The following OTUD3 variants were observed in gnomAD, a reference collection of about 807,000 sequenced individuals.
OTUD3 encodes the protein OTU domain-containing protein 3.
Under a neutral mutation model 46.2 loss-of-function variants are expected in OTUD3, and 24 were observed. That is an observed-to-expected ratio of 0.52 (90% CI 0.38 to 0.73). The LOEUF (loss-of-function observed/expected upper bound fraction) is 0.73. Among genes scored for constraint, OTUD3 ranks in the 30% least tolerant of loss-of-function variants. OTUD3 has a pLI of 0.00. For synonymous variants in OTUD3, 189 were observed against 195.4 expected, an observed-to-expected ratio of 0.97 and a Z score of 0.27; for missense variants, 455 against 523.3, an observed-to-expected ratio of 0.87 and a Z score of 1.27.
intron 1 of OTUD3, among the ~76,000 whole-genome samples, chr1:19,890,184 T>C (rs2045427174): frequency 6.6e-6 from 1 of 152,220 alleles, no homozygotes; most frequent in Non-Finnish European, 1.5e-5. Context: ...CCTTGTTTGC[T>C]GCCTCTCAAG....
chr1:19,886,927 G>A (rs760663690), intron 1 of OTUD3, among the ~76,000 whole-genome samples: 2 of 152,162 alleles, frequency 1.3e-5, no homozygotes, highest in Non-Finnish European at 2.9e-5. Flanking sequence ...TGTGAACCAC[G>A]TATGTGATTT....
rs1299522679 is a variant in OTUD3 at position 19,907,425 on chromosome 1, C to T, written c.1021-145C>T. 4.7e-6 allele frequency: 3 copies of T among 637,346 alleles called. No individual in the cohort carries two copies. In the African/African-American group the frequency reaches 5.5e-5, roughly 12 times the overall value. 39.5% of individuals were successfully genotyped at this position (637,346 alleles called of 1,614,324 possible). A position where few individuals can be genotyped will look rare whatever the true frequency, so the allele number is the denominator to read the frequency against. On this transcript the variant is annotated intron_variant, in intron 7 of 7. Coordinates refer to ENST00000375120, the MANE Select transcript of OTUD3 (RefSeq NM_015207.2). ...AAATGCAAATTTGAGCAGCAGTGGA[C>T]AGTAAATCATCTTTGGCGTCTTAGA... is the stretch of plus-strand genomic sequence containing the variant.
chr1:19,904,518 G>A (rs2045632392), intron 5 of OTUD3, 120 bp downstream of exon 5: 5 of 840,722 alleles, frequency 5.9e-6, no homozygotes, highest in South Asian at 3.4e-5. Flanking sequence ...ATAGGCCCAT[G>A]AGATTTGTAG....
intron 1 of OTUD3, among the ~76,000 whole-genome samples, chr1:19,887,413 G>A (rs1297623216): frequency 2.6e-5 from 4 of 152,196 alleles, no homozygotes; most frequent in South Asian, 2.1e-4. Flanking sequence ...TTATATGACC[G>A]CTTCAGAATC....
intron 4 of OTUD3, among the ~76,000 whole-genome samples, chr1:19,900,307 G>T (rs113668162): frequency 1.0e-3 from 157 of 152,020 alleles, no homozygotes; most frequent in African/African-American, 3.6e-3. Context: ...AGGCTCAAGC[G>T]ATCCTCCTGA....
rs2045692390 is a variant in OTUD3 at position 19,908,463 on chromosome 1, G to C, written c.*717G>C. On this transcript the variant is annotated 3_prime_UTR_variant, in exon 8 of 8. Coordinates refer to ENST00000375120, the MANE Select transcript of OTUD3 (RefSeq NM_015207.2). ...TAATTAGGCCTGGCCTTGTTGGGAA[G>C]TTGATAGTGGTGTTGGGTTTTTGGT... 6.6e-6 allele frequency: 1 copy of C among 152,368 alleles called. No homozygotes were observed. Among genetic ancestry groups the C allele is most frequent in the Non-Finnish European group, 1.5e-5 (1 of 68,044 alleles). 9.4% of individuals were successfully genotyped at this position (152,368 alleles called of 1,614,324 possible).
At chr1:19,905,396 A>AT (rs200488222) in intron 6 of OTUD3, among the ~76,000 whole-genome samples, 16,829 of 148,286 alleles carry the variant, frequency 0.11, 1,031 homozygotes, top group Admixed American at 0.15. Flanking sequence ...GATAATTTTG[A>AT]TTTTTTTTTT....
intron 3 of OTUD3, among the ~76,000 whole-genome samples, chr1:19,895,330 G>A (rs901513924): frequency 6.6e-6 from 1 of 152,164 alleles, no homozygotes; most frequent in South Asian, 2.1e-4. Flanking sequence ...CAAGTATACA[G>A]TTCTATGTGT....
At chr1:19,897,696 C>T (rs376625432) in intron 4 of OTUD3, 34 bp downstream of exon 4, 28 of 1,604,166 alleles carry the variant, frequency 1.7e-5, no homozygotes, top group Middle Eastern at 1.7e-4. Context: ...CCGTATTCCC[C>T]GCCCTACAGG....
Position 19,912,568 on chromosome 1 carries a change from TTC to T in OTUD3, c.*4828_*4829del, listed in dbSNP as rs377635988. On this transcript the variant is annotated 3_prime_UTR_variant, in exon 8 of 8. Transcript: ENST00000375120. ...TGGATGTATCCGTGGAGGAGGGGCC[TTC>T]TCTCTTTCTAATTGCACTATACTTG... 6.2e-4 allele frequency: 95 copies of T among 152,664 alleles called. No individual in the cohort carries two copies. Among genetic ancestry groups the T allele is most frequent in the African/African-American group, 2.2e-3 (91 of 41,576 alleles). The allele number at this position is 152,664 out of a possible 1,614,324, so 9.5% of individuals were successfully genotyped here.
intron 4 of OTUD3, among the ~76,000 whole-genome samples, chr1:19,903,468 G>C (rs2045619453): frequency 6.6e-6 from 1 of 152,110 alleles, no homozygotes; most frequent in South Asian, 2.1e-4. Flanking sequence ...TTTTATAATA[G>C]AATGTTTTGT....
chr1:19,894,763 G>A (rs760948977), intron 3 of OTUD3, among the ~76,000 whole-genome samples: 3 of 152,206 alleles, frequency 2.0e-5, no homozygotes, highest in Non-Finnish European at 4.4e-5. Flanking sequence ...TGGAAACACA[G>A]GCTGTCACCC....
rs2045732706 is a variant in OTUD3 at position 19,911,437 on chromosome 1, T to G, written c.*3691T>G. 6.7e-6 allele frequency: 1 copy of G among 148,520 alleles called. No individual in the cohort carries two copies. Among genetic ancestry groups the G allele is most frequent in the African/African-American group, 2.5e-5 (1 of 39,758 alleles). The allele number at this position is 148,520 out of a possible 1,614,324, so 9.2% of individuals were successfully genotyped here. ...CAGAGTCTTGCTTTGTTGCCCAGGCTGGAGTGTGGTGGGGCAATCTCGGCT... is the reference window on the plus strand; with the variant it reads ...CAGAGTCTTGCTTTGTTGCCCAGGCGGGAGTGTGGTGGGGCAATCTCGGCT... On this transcript the variant is annotated 3_prime_UTR_variant, in exon 8 of 8. Transcript: ENST00000375120.
At chr1:19,889,026 T>G (rs2045410345) in intron 1 of OTUD3, among the ~76,000 whole-genome samples, 1 of 152,236 alleles carries the variant, frequency 6.6e-6, no homozygotes, top group South Asian at 2.1e-4. Flanking sequence ...TCACATCTCT[T>G]AAACTAAATT....
chr1:19,894,598 C>T (rs761893022), intron 3 of OTUD3, 118 bp downstream of exon 3: 39 of 594,852 alleles, frequency 6.6e-5, no homozygotes, highest in African/African-American at 1.1e-4. Flanking sequence ...ACTTGGTCTA[C>T]GAGCCTAACC....
chr1:19,904,145 T>G (rs189979426), intron 4 of OTUD3, 122 bp from the exon 5 acceptor site: 3 of 622,496 alleles, frequency 4.8e-6, no homozygotes, highest in African/African-American at 3.7e-5. Context: ...CTCTTAAGGT[T>G]GTTTCTAGAA....
rs2045723441 is a variant in OTUD3 at position 19,910,702 on chromosome 1, G to T, written c.*2956G>T. ...CAGTTTGATTCTGAGGGCTTGGGAAGTGGGATCTCCCTTGTGGAGCAGCTG... is the reference window on the plus strand; with the variant it reads ...CAGTTTGATTCTGAGGGCTTGGGAATTGGGATCTCCCTTGTGGAGCAGCTG... On this transcript the variant is annotated 3_prime_UTR_variant, in exon 8 of 8. Coordinates refer to ENST00000375120, the MANE Select transcript of OTUD3 (RefSeq NM_015207.2). 6.6e-6 allele frequency: 1 copy of T among 152,376 alleles called. No homozygotes were observed. Among genetic ancestry groups the T allele is most frequent in the Admixed American group, 6.5e-5 (1 of 15,282 alleles). 9.4% of individuals were successfully genotyped at this position (152,376 alleles called of 1,614,324 possible). A position where few individuals can be genotyped will look rare whatever the true frequency, so the allele number is the denominator to read the frequency against.
At chr1:19,891,680 C>T (rs977639699) in intron 2 of OTUD3, among the ~76,000 whole-genome samples, 1 of 152,100 alleles carries the variant, frequency 6.6e-6, no homozygotes, top group Non-Finnish European at 1.5e-5. Flanking sequence ...GTACCGTTAG[C>T]AAGAGAGAGG....
At chr1:19,892,105 G>T (rs977618916) in intron 2 of OTUD3, among the ~76,000 whole-genome samples, 1 of 152,098 alleles carries the variant, frequency 6.6e-6, no homozygotes, top group South Asian at 2.1e-4. Flanking sequence ...TCAAATCTTC[G>T]GTTGCCAATG....
Sources: allele counts gnomAD v4.1 joint callset (sites outside exome capture counted in the v4.1 genomes callset), GRCh38; gene constraint gnomAD v4.1.1; transcripts MANE v1.5; gene names NCBI Gene and HGNC (gene_info 2026-07-23, HGNC 2026-07-21).